The following PUDP variants were observed in gnomAD, a reference collection of about 807,000 sequenced individuals.
PUDP encodes the protein pseudouridine 5'-phosphatase, also known as pseudouridine-5'-phosphatase.
Under a neutral mutation model 9.4 loss-of-function variants are expected in PUDP, and 8 were observed. The ratio of observed to expected loss-of-function variants is 0.85; its 90% CI spans 0.50 to 1.53. The LOEUF (loss-of-function observed/expected upper bound fraction) is 1.53, where lower values mean the gene tolerates loss of function less well. Ranked by LOEUF, PUDP falls within the 40% of genes most tolerant of loss-of-function variation. The pLI, the probability that PUDP is intolerant of heterozygous loss-of-function variation, is 0.00. For missense variants in PUDP, 188 were observed against 189.7 expected, an observed-to-expected ratio of 0.99 and a Z score of 0.05; for synonymous variants, 99 against 80.7, an observed-to-expected ratio of 1.23 and a Z score of -1.22.
chrX:6,986,573 G>A, intron 1 of PUDP, among the ~76,000 whole-genome samples: 1 of 112,022 alleles, frequency 8.9e-6, no homozygotes, highest in African/African-American at 3.2e-5. Flanking sequence ...ATTGTACCCC[G>A]AAGAGGAGAC....
chrX:7,053,002 T>TA (rs1930145336), intron 3 of PUDP, among the ~76,000 whole-genome samples: 1 of 112,464 alleles, frequency 8.9e-6, no homozygotes, highest in African/African-American at 3.2e-5. Context: ...CTTGCCTTTT[T>TA]AAAAGTTATG....
chrX:7,006,912 T>C lies in PUDP; in HGVS notation c.205-28569A>G, dbSNP rs780710030. On this transcript the variant is annotated intron_variant and NMD_transcript_variant, in intron 1 of 3. Transcript: ENST00000655425. ...AGCAGAAAAATAGATAATGGCACAG[T>C]GGCCAGGCAAGAAGACACTAGGTCC... 3.6e-5 allele frequency among the ~76,000 whole-genome samples: 4 copies of C among 111,158 alleles called. No individual in the cohort carries two copies. In the South Asian group the frequency reaches 1.5e-3, roughly 43 times the overall value.
At chrX:6,985,588 T>G (rs924072487) in intron 1 of PUDP, among the ~76,000 whole-genome samples, 5 of 111,740 alleles carry the variant, frequency 4.5e-5, no homozygotes, top group African/African-American at 1.6e-4. Context: ...TGGGCTTTTG[T>G]TACATTCCGG....
At chrX:6,734,615 G>GA (rs1409495850) in intron 3 of PUDP, among the ~76,000 whole-genome samples, 2 of 111,147 alleles carry the variant, frequency 1.8e-5, no homozygotes, top group African/African-American at 3.3e-5. Flanking sequence ...TCTACAAAAT[G>GA]AAAAAAATTA....
intron 1 of PUDP, among the ~76,000 whole-genome samples, chrX:7,042,929 T>C (rs1366280871): frequency 8.9e-6 from 1 of 111,786 alleles, no homozygotes; most frequent in Non-Finnish European, 1.9e-5. Context: ...TCCCCAACTA[T>C]ATTACAAGTT....
chrX:6,889,977 T>C (rs1482539413), intron 3 of PUDP, among the ~76,000 whole-genome samples: 1 of 111,628 alleles, frequency 9.0e-6, no homozygotes, highest in Non-Finnish European at 1.9e-5. Context: ...AGGAGGTAGC[T>C]AGATACTACA....
chrX:6,741,160 CAA>C (rs533050762), intron 3 of PUDP, among the ~76,000 whole-genome samples: 6 of 78,675 alleles, frequency 7.6e-5, no homozygotes, highest in Non-Finnish European at 2.5e-5. Flanking sequence ...ACTCCATCTC[CAA>C]AAAAAAAAAA....
At chrX:6,822,255 A>C (rs983540824) in intron 3 of PUDP, among the ~76,000 whole-genome samples, 1 of 111,520 alleles carries the variant, frequency 9.0e-6, no homozygotes, top group African/African-American at 3.3e-5. Context: ...CCGTCCTCAT[A>C]CCTGGGTAAA....
chrX:6,872,898 G>A (rs1927197592), intron 3 of PUDP, among the ~76,000 whole-genome samples: 1 of 110,491 alleles, frequency 9.1e-6, no homozygotes, highest in Non-Finnish European at 1.9e-5. Flanking sequence ...GTATCCCCTG[G>A]AAGTTTGCAG....
At position 7,050,415 on chromosome X, in the gene PUDP, G is replaced by A; in HGVS notation, c.568C>T (p.Gln190Ter). Residue 190 changes from glutamine (Q) to a stop codon, truncating the protein, a stop_gained, in exon 4 of 4, where the codon CAG (glutamine) becomes TAG (stop). Coordinates refer to ENST00000381077, the MANE Select transcript of PUDP (RefSeq NM_012080.5). LOFTEE classifies it low-confidence loss of function (END_TRUNC). ...TTTCCGTCAGGAACCATGACCACCT[G>A]CATCCCAGCTGCCAGGGCCGCCTCC... ...GVEAALAAGM[Q>*]VVMVPDGNLS... is the part of the protein sequence containing the mutation. The A allele has an allele frequency of 8.3e-7, 1 of 1,211,061 alleles. No individual in the cohort carries two copies. Among genetic ancestry groups the A allele is most frequent in the East Asian group, 3.0e-5 (1 of 33,807 alleles).
At chrX:7,059,220 A>G (rs1930331033) in intron 3 of PUDP, among the ~76,000 whole-genome samples, 1 of 111,083 alleles carries the variant, frequency 9.0e-6, no homozygotes, top group Admixed American at 9.6e-5. Flanking sequence ...CATTACGGGC[A>G]CTCTTAGCAT....
At chrX:6,894,690 C>G (rs776737415) in intron 3 of PUDP, among the ~76,000 whole-genome samples, 1 of 111,465 alleles carries the variant, frequency 9.0e-6, no homozygotes, top group South Asian at 3.8e-4. Flanking sequence ...GGTATAGGAA[C>G]AGGACAGCAG....
intron 1 of PUDP, among the ~76,000 whole-genome samples, chrX:7,133,348 A>G: frequency 9.0e-6 from 1 of 111,669 alleles, no homozygotes; most frequent in Non-Finnish European, 1.9e-5. Context: ...TTTCCACAAG[A>G]GGACAGGGCC....
At chrX:6,844,244 C>T (rs1185937389) in intron 3 of PUDP, among the ~76,000 whole-genome samples, 1 of 112,908 alleles carries the variant, frequency 8.9e-6, no homozygotes, top group African/African-American at 3.2e-5. Context: ...ATTTTAAGTT[C>T]AGCAATTGAT....
downstream of PUDP, among the ~76,000 whole-genome samples, chrX:7,044,309 A>C (rs957431593): frequency 6.8e-4 from 76 of 112,213 alleles, no homozygotes; most frequent in African/African-American, 2.4e-3. Flanking sequence ...TTGAAGCAGG[A>C]ATGTGTTTGG....
chrX:6,917,387 C>T (rs1927953021), intron 3 of PUDP, among the ~76,000 whole-genome samples: 1 of 100,642 alleles, frequency 9.9e-6, no homozygotes, highest in Non-Finnish European at 2.0e-5. Flanking sequence ...AAAAAAAAAA[C>T]TTAAATACTT....
At chrX:6,767,054 TAAG>T (rs1925293943) in intron 3 of PUDP, among the ~76,000 whole-genome samples, 1 of 113,184 alleles carries the variant, frequency 8.8e-6, no homozygotes, top group East Asian at 2.7e-4. Context: ...GGCAAGTTGA[TAAG>T]AATTTACAAG....
intron 3 of PUDP, among the ~76,000 whole-genome samples, chrX:7,076,907 T>C (rs889311628): frequency 8.9e-6 from 1 of 111,888 alleles, no homozygotes; most frequent in African/African-American, 3.2e-5. Context: ...CCCCACATCA[T>C]TAAAACCGCC....
chrX:6,710,909 A>T (rs1924524190), intron 1 of PUDP, among the ~76,000 whole-genome samples: 1 of 111,896 alleles, frequency 8.9e-6, no homozygotes, highest in South Asian at 3.8e-4. Flanking sequence ...CATTGTTGTA[A>T]ATCTCTTCAA....
Sources: gnomAD v4.1 joint callset for allele counts (sites outside exome capture counted in the v4.1 genomes callset) on GRCh38, gnomAD v4.1.1 for gene constraint, MANE v1.5 for transcripts, NCBI Gene and HGNC (gene_info 2026-07-23, HGNC 2026-07-21) for gene names.